Variants in TSHZ2 observed in about 807,000 individuals in gnomAD.
The protein encoded by TSHZ2 is teashirt zinc finger homeobox 2, also known as teashirt homolog 2.
Under a neutral mutation model 74.4 loss-of-function variants are expected in TSHZ2, and 21 were observed. The observed-to-expected ratio is 0.28, with a 90% CI of 0.20 to 0.41. The LOEUF is 0.41. Among genes scored for constraint, TSHZ2 ranks in the 10% least tolerant of loss-of-function variants. The pLI is 1.00. For missense variants in TSHZ2, 1,244 were observed against 1,293.5 expected (o/e 0.96, Z 0.59); for synonymous variants, 540 against 515.3 (o/e 1.05, Z -0.65).
chr20:53,071,931 C>T (rs575453103), intron 1 of TSHZ2, among the ~76,000 whole-genome samples: 6 of 152,132 alleles, frequency 3.9e-5, no homozygotes, highest in Non-Finnish European at 8.8e-5. Flanking sequence ...CAACCCAGGC[C>T]GGCATTTTGC....
chr20:53,216,107 G>A (rs1333585620), intron 1 of TSHZ2, among the ~76,000 whole-genome samples: 1 of 152,134 alleles, frequency 6.6e-6, no homozygotes, highest in African/African-American at 2.4e-5. Flanking sequence ...CACGACCTTA[G>A]CTCTTCCTCA....
rs1986542870 is a variant in TSHZ2, at chr20:53,494,832, G to T, written c.*7697G>T. 6.7e-6 allele frequency: 1 copy of T among 149,832 alleles called. No individual in the cohort carries two copies. 9.3% of individuals were successfully genotyped at this position (149,832 alleles called of 1,614,324 possible). A position where few individuals can be genotyped will look rare whatever the true frequency, so the allele number is the denominator to read the frequency against. On this transcript the variant is annotated 3_prime_UTR_variant, in exon 3 of 3. Transcript: ENST00000371497. The stretch of plus-strand genomic sequence containing the variant: ...TATACATGATAACTCTTGCCTTTGT[G>T]TTGAAAAAAAAAAAGTCTCTTTTTT...
At chr20:53,136,368 C>T (rs1407990665) in intron 1 of TSHZ2, among the ~76,000 whole-genome samples, 1 of 152,092 alleles carries the variant, frequency 6.6e-6, no homozygotes, top group East Asian at 1.9e-4. Flanking sequence ...TGGAGAAAAC[C>T]AAGGGATCGA....
At chr20:53,106,356 C>T (rs978253633) in intron 1 of TSHZ2, among the ~76,000 whole-genome samples, 2 of 142,664 alleles carry the variant, frequency 1.4e-5, no homozygotes, top group African/African-American at 5.2e-5. Flanking sequence ...TGTCACTTAC[C>T]ATAAATTATT....
intron 2 of TSHZ2, among the ~76,000 whole-genome samples, chr20:53,324,678 C>G (rs1314501804): frequency 6.6e-6 from 1 of 152,184 alleles, no homozygotes; most frequent in Non-Finnish European, 1.5e-5. Flanking sequence ...AGCCTCTGAT[C>G]ACATCACCTC....
intron 2 of TSHZ2, among the ~76,000 whole-genome samples, chr20:53,439,678 A>G (rs191760331): frequency 5.9e-5 from 9 of 152,278 alleles, no homozygotes; most frequent in East Asian, 1.9e-4. Context: ...AAGATCCTCT[A>G]TTCCCAAAGA....
At chr20:53,189,256 T>C (rs1433889736) in intron 1 of TSHZ2, among the ~76,000 whole-genome samples, 1 of 152,090 alleles carries the variant, frequency 6.6e-6, no homozygotes, top group East Asian at 1.9e-4. Context: ...TAAACCAGAA[T>C]ATGCAAATAG....
intron 2 of TSHZ2, among the ~76,000 whole-genome samples, chr20:53,377,740 G>C (rs1981711557): frequency 6.6e-6 from 1 of 152,234 alleles, no homozygotes; most frequent in African/African-American, 2.4e-5. Context: ...GTGCATGCCT[G>C]TAATCCCAGT....
rs1215392223 is a variant in TSHZ2, at chr20:53,458,511, C to T, written c.*9-28633C>T. 2.0e-5 allele frequency among the ~76,000 whole-genome samples: 3 copies of T among 152,192 alleles called. No individual in the cohort carries two copies. In the East Asian group the frequency reaches 5.8e-4, roughly 29 times the overall value. ...TTTGTTGATCCTTTCAAAAAACCAGCTCCTGGATTCACTAGTTTTTTGAAG... is the reference window on the plus strand; with the variant it reads ...TTTGTTGATCCTTTCAAAAAACCAGTTCCTGGATTCACTAGTTTTTTGAAG... On this transcript the variant is annotated intron_variant, in intron 2 of 2. Coordinates refer to ENST00000371497, the MANE Select transcript of TSHZ2 (RefSeq NM_173485.6).
intron 2 of TSHZ2, among the ~76,000 whole-genome samples, chr20:53,323,048 T>G (rs1281054090): frequency 6.6e-6 from 1 of 152,198 alleles, no homozygotes; most frequent in East Asian, 1.9e-4. Context: ...CTTTTCTGTT[T>G]AAAGCCACAA....
intron 2 of TSHZ2, among the ~76,000 whole-genome samples, chr20:53,298,962 T>C (rs1305360645): frequency 6.6e-6 from 1 of 152,226 alleles, no homozygotes; most frequent in African/African-American, 2.4e-5. Flanking sequence ...CCAAAAGGGC[T>C]TGTGGGAGTT....
chr20:53,360,909 G>T (rs1981025678), intron 2 of TSHZ2, among the ~76,000 whole-genome samples: 1 of 152,178 alleles, frequency 6.6e-6, no homozygotes, highest in African/African-American at 2.4e-5. Context: ...TTCTATTTTA[G>T]CTAAGATGAG....
intron 1 of TSHZ2, among the ~76,000 whole-genome samples, chr20:53,213,568 A>G (rs1407107959): frequency 6.6e-6 from 1 of 152,128 alleles, no homozygotes; most frequent in Non-Finnish European, 1.5e-5. Flanking sequence ...CACACACACG[A>G]GAGACAGAGA....
intron 1 of TSHZ2, among the ~76,000 whole-genome samples, chr20:53,223,070 A>C (rs1989601601): frequency 1.3e-5 from 2 of 152,128 alleles, no homozygotes; most frequent in African/African-American, 4.8e-5. Context: ...GCTGGTGGCT[A>C]TGGACAGCTT....
At chr20:53,455,259 A>T (rs555746622) in intron 2 of TSHZ2, 1 of 151,776 alleles carries the variant, frequency 6.6e-6, no homozygotes, top group South Asian at 2.1e-4. Flanking sequence ...CACTCACCTC[A>T]TCTGACGTGG....
At chr20:53,096,908 AAAAAAACAAAAAACAAAACAAAAAC>A (rs900722026) in intron 1 of TSHZ2, among the ~76,000 whole-genome samples, 1 of 149,238 alleles carries the variant, frequency 6.7e-6, no homozygotes, top group African/African-American at 2.4e-5. Context: ...CCAAAAACCA[AAAAAAACAAAAAACAAAACAAAAAC>A]AAAAAACAAA....
chr20:53,193,824 G>A (rs1416792410), intron 1 of TSHZ2, among the ~76,000 whole-genome samples: 1 of 151,310 alleles, frequency 6.6e-6, no homozygotes, highest in Non-Finnish European at 1.5e-5. Flanking sequence ...ACAATAAGAG[G>A]GAGGAACCTT....
intron 2 of TSHZ2, among the ~76,000 whole-genome samples, chr20:53,297,465 G>C (rs1451372071): frequency 6.6e-6 from 1 of 152,058 alleles, no homozygotes; most frequent in East Asian, 1.9e-4. Flanking sequence ...GAACACTTGG[G>C]CTCAAGCTAT....
At chr20:53,008,189 A>G (rs1307377242) in intron 1 of TSHZ2, among the ~76,000 whole-genome samples, 1 of 152,222 alleles carries the variant, frequency 6.6e-6, no homozygotes, top group Non-Finnish European at 1.5e-5. Flanking sequence ...AGTCTTTATG[A>G]AGAAAAAAAT....
Sources: allele counts gnomAD v4.1 joint callset (sites outside exome capture counted in the v4.1 genomes callset), GRCh38; gene constraint gnomAD v4.1.1; transcripts MANE v1.5; gene names NCBI Gene and HGNC (gene_info 2026-07-23, HGNC 2026-07-21).